BRWD1: variants seen among roughly 807,000 people sequenced by gnomAD.
The protein encoded by BRWD1 is bromodomain and WD repeat-containing protein 1.
BRWD1 carries 82 observed loss-of-function variants against 251.2 expected under a neutral mutation model. The observed-to-expected ratio is 0.33, with a 90% confidence interval of 0.27 to 0.39. The LOEUF (loss-of-function observed/expected upper bound fraction) is 0.39. Among genes scored for constraint, BRWD1 ranks in the 10% least tolerant of loss-of-function variants. The probability of loss-of-function intolerance (pLI) is 1.00; values close to 1 mark genes in which losing one functional copy is unlikely to be tolerated. For missense variants in BRWD1, 2,233 were observed against 2,711.6 expected (o/e 0.82, Z 3.92); for synonymous variants, 918 against 902.8 (o/e 1.02, Z -0.30).
Position 39,249,918 on chromosome 21 carries a change from GTGTGT to G in BRWD1, c.2349+873_2349+877del, listed in dbSNP as rs1568915354. Among the ~76,000 whole-genome samples the G allele has an allele frequency of 7.7e-4, 6 of 7,752 alleles. No individual in the cohort carries two copies. In the East Asian group the frequency reaches 0.015, roughly 19 times the overall value. 5.1% of individuals were successfully genotyped at this position (7,752 alleles called of 152,430 possible). ...CCAAGATCAAAAAAAGAAGGGGGGT[GTGTGT>G]GTGTGTGTGTGTGTGTGTGTGTGTG... On this transcript the variant is annotated intron_variant, in intron 20 of 40. Coordinates refer to ENST00000342449, the MANE Select transcript of BRWD1 (RefSeq NM_033656.4).
intron 4 of BRWD1, among the ~76,000 whole-genome samples, chr21:39,301,978 GTT>G (rs750413248): frequency 0.011 from 868 of 79,766 alleles, 2 homozygotes; most frequent in African/African-American, 0.042. Flanking sequence ...AGCTTTGTGT[GTT>G]TTTTTTTTTT....
intron 15 of BRWD1, among the ~76,000 whole-genome samples, chr21:39,268,888 T>G (rs1030537277): frequency 1.3e-5 from 2 of 152,052 alleles, no homozygotes; most frequent in African/African-American, 4.8e-5. Context: ...CTTGGGAGGC[T>G]GAGGCAGGAG....
At chr21:39,311,172 T>A (rs1377835746) in intron 4 of BRWD1, among the ~76,000 whole-genome samples, 1 of 152,024 alleles carries the variant, frequency 6.6e-6, no homozygotes. Context: ...TATAAATTTT[T>A]TTTTTAAAAA....
chr21:39,249,329 T>C (rs1410551740), intron 20 of BRWD1, among the ~76,000 whole-genome samples: 1 of 152,228 alleles, frequency 6.6e-6, no homozygotes, highest in Non-Finnish European at 1.5e-5. Context: ...ATAACAAACT[T>C]GCACATATAC....
At chr21:39,314,089 C>T (rs1238747758), upstream of BRWD1, 2 of 456,032 alleles carry the variant, frequency 4.4e-6, no homozygotes, top group Admixed American at 2.3e-5. Flanking sequence ...GGTCATTTCA[C>T]GGACCGGTCG....
chr21:39,231,180 G>C (rs2033601401), intron 25 of BRWD1, among the ~76,000 whole-genome samples: 1 of 151,996 alleles, frequency 6.6e-6, no homozygotes, highest in African/African-American at 2.4e-5. Flanking sequence ...AAAATCTGTA[G>C]AATAAAAATA....
intron 27 of BRWD1, 54 bp from the exon 28 acceptor site, chr21:39,225,251 T>A: frequency 7.8e-7 from 1 of 1,280,436 alleles, no homozygotes; most frequent in Non-Finnish European, 1.1e-6. Context: ...TTCATTAACA[T>A]TTTTTTAATC....
In BRWD1 at chr21:39,212,652, G is replaced by T; in HGVS notation, c.3900+14C>A. 1.3e-6 allele frequency: 2 copies of T among 1,543,990 alleles called. No individual in the cohort carries two copies. The highest frequency in any genetic ancestry group is 1.8e-6 in the Non-Finnish European group (2 of 1,127,604). On this transcript the variant is annotated intron_variant, in intron 34 of 40. Coordinates refer to ENST00000342449, the MANE Select transcript of BRWD1 (RefSeq NM_033656.4). Reference sequence around the variant, plus strand: ...AAAAGAAACTACAAAAGTCAACCATGCAGAGTAACTTACTCTCCTCCTTCC... The same window carrying T: ...AAAAGAAACTACAAAAGTCAACCATTCAGAGTAACTTACTCTCCTCCTTCC...
At chr21:39,306,806 C>CA (rs1209913114) in intron 4 of BRWD1, among the ~76,000 whole-genome samples, 1 of 152,180 alleles carries the variant, frequency 6.6e-6, no homozygotes, top group East Asian at 1.9e-4. Flanking sequence ...AATCCAGAAA[C>CA]AAATAGTTAC....
intron 2 of BRWD1, 29 bp from the exon 3 acceptor site, chr21:39,313,130 T>TGGGGTC (rs1425232829): frequency 6.7e-7 from 1 of 1,489,504 alleles, no homozygotes; most frequent in Non-Finnish European, 8.9e-7. Flanking sequence ...CGGTCAGGGG[T>TGGGGTC]GGGGTCGGGC....
chr21:39,278,702 A>C, intron 10 of BRWD1, 41 bp downstream of exon 10: 1 of 1,042,752 alleles, frequency 9.6e-7, no homozygotes, highest in Non-Finnish European at 1.3e-6. Context: ...ATAGATGTTT[A>C]AAAAAAAAAA....
At position 39,212,683 on chromosome 21, in the gene BRWD1, A is replaced by G. The variant is rs1317753617; in HGVS notation, c.3883T>C (p.Ser1295Pro). The change falls in exon 34 of 41, where the codon TCT becomes CCT. Residue 1295 changes from serine to proline, a missense_variant. Ser to Pro is a moderately conservative substitution (Grantham distance 74). This residue lies in a region of BRWD1 where 167 missense variants were observed against 183.2 expected (regional missense o/e 0.91). Coordinates refer to ENST00000342449, the MANE Select transcript of BRWD1 (RefSeq NM_033656.4). ...DLDDSDLPKTSSGRRRVHDGK... is the reference protein window; with the variant it reads ...DLDDSDLPKTPSGRRRVHDGK... ...TAACTTACTCTCCTCCTTCCAGAAG[A>G]TGTTTTAGGAAGATCACTATCATCC... The G allele has an allele frequency of 3.2e-6, 5 of 1,579,444 alleles. No homozygotes were observed. The highest frequency in any genetic ancestry group is 4.3e-6 in the Non-Finnish European group (5 of 1,152,044).
chr21:39,301,071 G>A (rs187990317), intron 4 of BRWD1, among the ~76,000 whole-genome samples: 2 of 151,866 alleles, frequency 1.3e-5, no homozygotes, highest in South Asian at 2.1e-4. Flanking sequence ...CCCAGCTGCT[G>A]GGGAGACTGA....
At chr21:39,221,633 G>T (rs2033181272) in intron 29 of BRWD1, among the ~76,000 whole-genome samples, 1 of 152,178 alleles carries the variant, frequency 6.6e-6, no homozygotes, top group South Asian at 2.1e-4. Flanking sequence ...TAAAAATGAG[G>T]AAAGAATCTG....
Position 39,196,039 on chromosome 21 carries a change from C to T in BRWD1, c.*220G>A. 7.9e-7 allele frequency: 1 copy of T among 1,262,156 alleles called. No individual in the cohort carries two copies. Among genetic ancestry groups the T allele is most frequent in the Non-Finnish European group, 1.0e-6 (1 of 1,004,510 alleles). The allele number at this position is 1,262,156 out of a possible 1,614,324, so 78.2% of individuals were successfully genotyped here. On this transcript the variant is annotated 3_prime_UTR_variant, in exon 41 of 41. Transcript: ENST00000342449. ...CAAATACTGTCAAAATAGATCTGCCCCCAAAATGAAGCATATTTTGGCACC... is the reference window on the plus strand; with the variant it reads ...CAAATACTGTCAAAATAGATCTGCCTCCAAAATGAAGCATATTTTGGCACC...
chr21:39,240,846 T>TA (rs1022485398), intron 21 of BRWD1, among the ~76,000 whole-genome samples: 1 of 152,110 alleles, frequency 6.6e-6, no homozygotes, highest in African/African-American at 2.4e-5. Context: ...AAAAGAACAG[T>TA]AAGTAAATAA....
Position 39,189,496 on chromosome 21 carries a change from A to G in BRWD1, c.*6763T>C. The G allele has an allele frequency of 1.0e-6, 1 of 978,208 alleles. No individual in the cohort carries two copies. Among genetic ancestry groups the G allele is most frequent in the Middle Eastern group, 5.3e-4 (1 of 1,900 alleles). The allele number at this position is 978,208 out of a possible 1,614,324, so 60.6% of individuals were successfully genotyped here. A position where few individuals can be genotyped will look rare whatever the true frequency, so the allele number is the denominator to read the frequency against. On this transcript the variant is annotated 3_prime_UTR_variant, in exon 41 of 41. Coordinates refer to ENST00000342449, the MANE Select transcript of BRWD1 (RefSeq NM_033656.4). ...AAGATTCTGCAGGAAAAAAAAAACT[A>G]AAATCAGGTTTTTAAAAAATACTTA...
At chr21:39,227,105 C>A (rs1380006798) in intron 27 of BRWD1, among the ~76,000 whole-genome samples, 1 of 152,102 alleles carries the variant, frequency 6.6e-6, no homozygotes, top group African/African-American at 2.4e-5. Context: ...GCAGTGAGCT[C>A]TGATTGCACC....
intron 18 of BRWD1, among the ~76,000 whole-genome samples, chr21:39,257,202 TAAAAAAA>T (rs5843954): frequency 4.4e-5 from 6 of 137,008 alleles, no homozygotes; most frequent in Admixed American, 3.0e-4. Context: ...TGAAGCTATT[TAAAAAAA>T]AAAAAAAAAA....
Sources: gnomAD v4.1 joint callset for allele counts (sites outside exome capture counted in the v4.1 genomes callset) on GRCh38, gnomAD v4.1.1 for gene constraint, gnomAD v4.1.1 regional missense constraint, MANE v1.5 for transcripts, NCBI Gene and HGNC (gene_info 2026-07-23, HGNC 2026-07-21) for gene names.